L3HYPDH: variants seen among roughly 807,000 people sequenced by gnomAD.
L3HYPDH encodes trans-3-hydroxy-L-proline dehydratase.
L3HYPDH carries 32 observed loss-of-function variants against 26.5 expected under a neutral mutation model. That is an observed-to-expected ratio of 1.21 (90% CI 0.91 to 1.62). The LOEUF is 1.62. Among genes scored for constraint, L3HYPDH ranks in the 40% most tolerant of loss-of-function variants. L3HYPDH has a pLI of 0.00. For missense variants in L3HYPDH, 554 were observed against 476.4 expected (o/e 1.16, Z -1.52); for synonymous variants, 215 against 196.6 (o/e 1.09, Z -0.78).
chr14:59,494,097 T>A, the L3HYPDH span, among the ~76,000 whole-genome samples: 6 of 145,118 alleles, frequency 4.1e-5, no homozygotes, highest in Non-Finnish European at 7.5e-5. Flanking sequence ...AAGCAAAACC[T>A]TAAAATTTTT....
Position 59,476,078 on chromosome 14 carries a change from T to TA in L3HYPDH, c.801+13dup. On this transcript the variant is annotated intron_variant, in intron 3 of 4. Coordinates refer to ENST00000247194, the MANE Select transcript of L3HYPDH (RefSeq NM_144581.2). ...TTACCTGGCTTTTGTCCCTAAACAT[T>TA]ACAGTTTTAATACCTGTTCATCTGC... 6.2e-7 allele frequency: 1 copy of TA among 1,613,836 alleles called. No homozygotes were observed. The highest frequency in any genetic ancestry group is 8.5e-7 in the Non-Finnish European group (1 of 1,179,844).
upstream of L3HYPDH, chr14:59,485,125 T>A: frequency 6.3e-7 from 1 of 1,598,262 alleles, no homozygotes; most frequent in Non-Finnish European, 8.5e-7. Flanking sequence ...TAGTAAGTGA[T>A]AGGCTGTTTA....
downstream of L3HYPDH, among the ~76,000 whole-genome samples, chr14:59,471,022 AC>A (rs1889298518): frequency 1.3e-5 from 2 of 149,564 alleles, no homozygotes; most frequent in East Asian, 4.0e-4. Flanking sequence ...CAAGACCCTC[AC>A]TGAGATGGGA....
At chr14:59,502,046 TA>T in the L3HYPDH span, among the ~76,000 whole-genome samples, 1 of 152,178 alleles carries the variant, frequency 6.6e-6, no homozygotes, top group Non-Finnish European at 1.5e-5. Flanking sequence ...TGAGAAGTAG[TA>T]GTGTATTTGA....
At chr14:59,496,097 G>A in the L3HYPDH span, among the ~76,000 whole-genome samples, 25 of 152,186 alleles carry the variant, frequency 1.6e-4, no homozygotes, top group East Asian at 9.7e-4. Flanking sequence ...AGAGAGACGG[G>A]GTTTTGCCAT....
chr14:59,501,333 G>C, the L3HYPDH span: 1 of 981,276 alleles, frequency 1.0e-6, no homozygotes, highest in Non-Finnish European at 1.6e-6. Context: ...TATCAGAATA[G>C]TCCATATGAT....
At chr14:59,466,857 G>A (rs980811372) in intron 1 of L3HYPDH, among the ~76,000 whole-genome samples, 5 of 152,036 alleles carry the variant, frequency 3.3e-5, no homozygotes, top group African/African-American at 7.2e-5. Flanking sequence ...TCCTACCTAC[G>A]AGATGCCAGT....
chr14:59,490,096 A>G, the L3HYPDH span, among the ~76,000 whole-genome samples: 3 of 151,774 alleles, frequency 2.0e-5, no homozygotes, highest in Admixed American at 6.6e-5. Context: ...CTAATTTTTT[A>G]TATTTTGTAG....
chr14:59,484,080 G>C lies in L3HYPDH; in HGVS notation c.237C>G (p.Val79=). ...PRGHRDMYGA[V]LVPSELPDAH... ...CGTCCGGCAGCTCGCTCGGGACTAG[G>C]ACCGCCCCGTACATGTCCCGGTGCC... Residue 79 remains valine, a synonymous_variant, in exon 1 of 5, where the codon GTC becomes GTG. Transcript: ENST00000247194. 6.2e-7 allele frequency: 1 copy of C among 1,607,010 alleles called. No individual in the cohort carries two copies. Among genetic ancestry groups the C allele is most frequent in the South Asian group, 1.1e-5 (1 of 90,944 alleles).
Position 59,472,886 on chromosome 14 carries a change from T to C in L3HYPDH, c.*79A>G. 1 of 1,291,884 alleles carries C rather than the reference T, an allele frequency of 7.7e-7. No homozygotes were observed. The highest frequency in any genetic ancestry group is 1.7e-5 in the South Asian group (1 of 59,726). 80.0% of individuals were successfully genotyped at this position (1,291,884 alleles called of 1,614,324 possible). A position where few individuals can be genotyped will look rare whatever the true frequency, so the allele number is the denominator to read the frequency against. On this transcript the variant is annotated 3_prime_UTR_variant, in exon 5 of 5. Transcript: ENST00000247194. The stretch of plus-strand genomic sequence containing the variant: ...TTAGTTTATATGTATAATTTATTTG[T>C]TTTCATATAATTTAGAGAAAACAGT...
the L3HYPDH span, chr14:59,498,686 A>G: frequency 9.0e-7 from 1 of 1,115,682 alleles, no homozygotes; most frequent in African/African-American, 1.6e-5. Context: ...AACATTTTTA[A>G]AACATTTTTG....
the L3HYPDH span, among the ~76,000 whole-genome samples, chr14:59,497,943 T>C: frequency 6.6e-4 from 101 of 152,182 alleles, no homozygotes; most frequent in African/African-American, 2.1e-3. Context: ...TTGAAAATAC[T>C]CAGGAAAATT....
the L3HYPDH span, among the ~76,000 whole-genome samples, chr14:59,496,996 ATT>A: frequency 2.4e-4 from 33 of 138,132 alleles, no homozygotes; most frequent in Non-Finnish European, 2.7e-4. Context: ...AGTCATAGTA[ATT>A]TTTTTTTTTT....
chr14:59,479,608 T>G (rs909101533), intron 1 of L3HYPDH, among the ~76,000 whole-genome samples: 1 of 152,184 alleles, frequency 6.6e-6, no homozygotes. Context: ...TACAGACATA[T>G]TCATTAACTT....
chr14:59,504,059 C>T, the L3HYPDH span: 1 of 1,608,254 alleles, frequency 6.2e-7, no homozygotes. Context: ...TCAGAAGGAG[C>T]CAATGGACAC....
upstream of L3HYPDH, chr14:59,485,847 A>G (rs563872026): frequency 6.6e-6 from 1 of 152,236 alleles, no homozygotes; most frequent in Admixed American, 6.5e-5. Flanking sequence ...GGAACTCCTG[A>G]CCTCATGATC....
At chr14:59,494,465 T>G in the L3HYPDH span, among the ~76,000 whole-genome samples, 1 of 152,170 alleles carries the variant, frequency 6.6e-6, no homozygotes. Flanking sequence ...AGACTTCCAT[T>G]AGTGTGATAT....
chr14:59,495,251 A>G, the L3HYPDH span: 7 of 1,449,684 alleles, frequency 4.8e-6, no homozygotes, highest in East Asian at 1.6e-4. Flanking sequence ...ACTTAAGATC[A>G]TTGTTTTTTT....
At position 59,484,214 on chromosome 14, in the gene L3HYPDH, C is replaced by T. The variant is rs1177733517; in HGVS notation, c.103G>A (p.Val35Met). 6.3e-7 allele frequency: 1 copy of T among 1,598,794 alleles called. No homozygotes were observed. The highest frequency in any genetic ancestry group is 8.5e-7 in the Non-Finnish European group (1 of 1,179,726). ...MHTGGEPLRI[V>M]LAGCPEVSGP... Reference sequence around the variant, plus strand: ...GACACCTCCGGACACCCCGCCAGCACGATACGCAAGGGCTCGCCGCCCGTG... The same window carrying T: ...GACACCTCCGGACACCCCGCCAGCATGATACGCAAGGGCTCGCCGCCCGTG... The change falls in exon 1 of 5, where the codon GTG (valine) becomes ATG (methionine). Residue 35 changes from valine to methionine, a missense_variant. Physicochemically the swap from Val to Met is conservative, Grantham distance 21. Transcript: ENST00000247194.
Sources: gnomAD v4.1 joint callset for allele counts (sites outside exome capture counted in the v4.1 genomes callset) on GRCh38, gnomAD v4.1.1 for gene constraint, MANE v1.5 for transcripts, NCBI Gene and HGNC (gene_info 2026-07-23, HGNC 2026-07-21) for gene names.